RICTOR: variants seen among roughly 807,000 people sequenced by gnomAD.
RICTOR encodes the protein RPTOR independent companion of MTOR complex 2, also known as rapamycin-insensitive companion of mTOR.
In RICTOR, 49 loss-of-function variants were observed where a neutral mutation model predicts 214.9. The ratio of observed to expected loss-of-function variants is 0.23; its 90% CI spans 0.18 to 0.29. The LOEUF (loss-of-function observed/expected upper bound fraction) is 0.29. Among genes scored for constraint, RICTOR ranks in the 10% least tolerant of loss-of-function variants. RICTOR has a pLI of 1.00. For missense variants in RICTOR, 1,625 were observed against 2,047.0 expected (o/e 0.79, Z 3.98); for synonymous variants, 717 against 711.3 (o/e 1.01, Z -0.13).
At position 38,955,581 on chromosome 5, in the gene RICTOR, AACTGGGT is replaced by A; in HGVS notation, c.2609+7_2609+13del. On this transcript the variant is annotated splice_region_variant and intron_variant, in intron 26 of 37. Coordinates refer to ENST00000357387, the MANE Select transcript of RICTOR (RefSeq NM_152756.5). ...ATGATGAACTAGTTTTAAATCTGATAACTGGGTACGCACCTTTGGTTACTCCGACGAA... is the reference window on the plus strand; with the variant it reads ...ATGATGAACTAGTTTTAAATCTGATAACGCACCTTTGGTTACTCCGACGAA... The A allele has an allele frequency of 7.3e-7, 1 of 1,369,234 alleles. No individual in the cohort carries two copies. Among genetic ancestry groups the A allele is most frequent in the Non-Finnish European group, 1.0e-6 (1 of 961,558 alleles). The allele number at this position is 1,369,234 out of a possible 1,614,324, so 84.8% of individuals were successfully genotyped here. A position where few individuals can be genotyped will look rare whatever the true frequency, so the allele number is the denominator to read the frequency against.
intron 3 of RICTOR, among the ~76,000 whole-genome samples, chr5:39,011,159 T>G (rs1477805158): frequency 6.6e-6 from 1 of 152,080 alleles, no homozygotes; most frequent in Non-Finnish European, 1.5e-5. Flanking sequence ...TTTAGTGCCC[T>G]GTATCCCAGC....
intron 5 of RICTOR, among the ~76,000 whole-genome samples, chr5:39,000,303 G>C (rs1753515690): frequency 6.6e-6 from 1 of 151,854 alleles, no homozygotes; most frequent in African/African-American, 2.4e-5. Context: ...TATTTCCCTA[G>C]TTGTTTTATA....
Position 39,002,648 on chromosome 5 carries a change from T to G in RICTOR, c.279A>C (p.Leu93Phe). 1.2e-6 allele frequency: 2 copies of G among 1,607,348 alleles called. No homozygotes were observed. Among genetic ancestry groups the G allele is most frequent in the Non-Finnish European group, 1.7e-6 (2 of 1,177,702 alleles). Residue 93 changes from leucine (L) to phenylalanine (F), a missense_variant, in exon 5 of 38, where the codon TTA (leucine) becomes TTC (phenylalanine). Physicochemically the swap from Leu to Phe is conservative, Grantham distance 22. This residue lies in a region of RICTOR where 258 missense variants were observed against 393.7 expected (regional missense o/e 0.66). Transcript: ENST00000357387. ...DIIICLRLAL[L>F]NEAKEVRAAG... ...CTGCTCGCACTTCTTTTGCTTCATT[T>G]AATAAAGCTAACCGCAAACTGTATG...
intron 2 of RICTOR, among the ~76,000 whole-genome samples, chr5:39,055,698 A>G (rs1758161644): frequency 6.6e-6 from 1 of 152,310 alleles, no homozygotes; most frequent in South Asian, 2.1e-4. Context: ...AATATATTAT[A>G]AAAGCCCAAA....
chr5:39,037,253 C>T (rs1372755528), intron 2 of RICTOR, among the ~76,000 whole-genome samples: 46 of 151,442 alleles, frequency 3.0e-4, no homozygotes, highest in Non-Finnish European at 5.0e-4. Flanking sequence ...GAAATAAAGA[C>T]GTTCTTTGAA....
At chr5:38,972,538 A>G (rs546818731) in intron 10 of RICTOR, among the ~76,000 whole-genome samples, 197 of 152,334 alleles carry the variant, frequency 1.3e-3, no homozygotes, top group African/African-American at 4.6e-3. Flanking sequence ...AGGGAAATGC[A>G]AACTATATTA....
At chr5:39,025,509 T>G (rs1177789001) in intron 2 of RICTOR, among the ~76,000 whole-genome samples, 1 of 152,230 alleles carries the variant, frequency 6.6e-6, no homozygotes, top group Non-Finnish European at 1.5e-5. Context: ...TCATGTGTAT[T>G]AAGTCAGTTC....
In RICTOR at chr5:38,938,404, C is replaced by G. The variant is rs1160311745; in HGVS notation, c.*3900G>C. The G allele has an allele frequency of 4.3e-6, 1 of 230,800 alleles. No individual in the cohort carries two copies. The highest frequency in any genetic ancestry group is 8.6e-6 in the Non-Finnish European group (1 of 116,434). 14.3% of individuals were successfully genotyped at this position (230,800 alleles called of 1,614,324 possible). A position where few individuals can be genotyped will look rare whatever the true frequency, so the allele number is the denominator to read the frequency against. On this transcript the variant is annotated 3_prime_UTR_variant, in exon 38 of 38. Coordinates refer to ENST00000357387, the MANE Select transcript of RICTOR (RefSeq NM_152756.5). The stretch of plus-strand genomic sequence containing the variant: ...AATTACCTATAAAATTTTTTTCACT[C>G]CCCCTCTCTGCCCCAAGACTTTGCA...
intron 2 of RICTOR, among the ~76,000 whole-genome samples, chr5:39,050,421 C>CCA: frequency 6.6e-6 from 1 of 152,116 alleles, no homozygotes; most frequent in South Asian, 2.1e-4. Flanking sequence ...ACTGTAACCT[C>CCA]CACCTCCTGG....
At chr5:38,995,086 A>G (rs997236064) in intron 6 of RICTOR, among the ~76,000 whole-genome samples, 17 of 152,240 alleles carry the variant, frequency 1.1e-4, no homozygotes, top group Non-Finnish European at 1.9e-4. Flanking sequence ...TCAAGACAAA[A>G]TTAAAGAGAG....
chr5:38,958,390 A>G, intron 24 of RICTOR, 53 bp downstream of exon 24: 1 of 1,139,876 alleles, frequency 8.8e-7, no homozygotes, highest in South Asian at 1.2e-5. Context: ...TTTAATATAC[A>G]CTGCCAAAGA....
rs539534305 is a variant in RICTOR, at chr5:39,039,149, A to C, written c.98-18013T>G. On this transcript the variant is annotated intron_variant, in intron 2 of 37. Transcript: ENST00000357387. ...ACCAATGGAACAGAACAGAGCCCGC[A>C]GAAATAATGCCACATATCTACAATT... is the stretch of plus-strand genomic sequence containing the variant. Among the ~76,000 whole-genome samples the C allele has an allele frequency of 1.1e-4, 17 of 152,358 alleles. No individual in the cohort carries two copies. In the South Asian group the frequency reaches 3.5e-3, roughly 32 times the overall value.
chr5:39,001,894 T>C (rs73088105), intron 5 of RICTOR, among the ~76,000 whole-genome samples: 168 of 152,202 alleles, frequency 1.1e-3, no homozygotes, highest in African/African-American at 3.8e-3. Flanking sequence ...CTATACATAA[T>C]AGTAGAAGTA....
intron 2 of RICTOR, among the ~76,000 whole-genome samples, chr5:39,028,325 G>A (rs1369076354): frequency 6.6e-6 from 1 of 151,396 alleles, no homozygotes; most frequent in Non-Finnish European, 1.5e-5. Flanking sequence ...TGGGACTACA[G>A]GTGCCCGCCA....
chr5:38,963,128 A>C, intron 16 of RICTOR, 87 bp from the exon 17 acceptor site: 2 of 885,134 alleles, frequency 2.3e-6, no homozygotes, highest in Non-Finnish European at 3.3e-6. Context: ...AGCTTACGTA[A>C]GATCAAGGCT....
chr5:38,996,803 C>T lies in RICTOR; in HGVS notation c.456+16G>A. 1.3e-6 allele frequency: 2 copies of T among 1,567,310 alleles called. No individual in the cohort carries two copies. The highest frequency in any genetic ancestry group is 1.7e-4 in the Middle Eastern group (1 of 5,930). The stretch of plus-strand genomic sequence containing the variant: ...AAACCATAAATTTGCCTTTTACTCT[C>T]ACACATAGAGCATACCTTTCTGACT... On this transcript the variant is annotated intron_variant, in intron 6 of 37. Coordinates refer to ENST00000357387, the MANE Select transcript of RICTOR (RefSeq NM_152756.5).
chr5:38,977,629 G>C (rs970785041), intron 9 of RICTOR, among the ~76,000 whole-genome samples: 2 of 125,728 alleles, frequency 1.6e-5, no homozygotes, highest in African/African-American at 6.1e-5. Context: ...ACAGAGTGTC[G>C]CTCTGTCACC....
Position 38,950,045 on chromosome 5 carries a change from T to C in RICTOR, c.3803A>G (p.His1268Arg). The change falls in exon 31 of 38, where the codon CAC (histidine) becomes CGC (arginine). Residue 1268 changes from histidine to arginine, a missense_variant. Physicochemically the swap from His to Arg is conservative, Grantham distance 29. Transcript: ENST00000357387. The stretch of plus-strand genomic sequence containing the variant: ...ATGGTTAGACTGTGGCGTCAAATAG[T>C]GGCTTGTCTTAATAGTTTTAGTACT... ...VVSTKTIKTS[H>R]YLTPQSNHLS... 6.2e-7 allele frequency: 1 copy of C among 1,613,300 alleles called. No homozygotes were observed. Among genetic ancestry groups the C allele is most frequent in the African/African-American group, 1.3e-5 (1 of 74,978 alleles).
Position 38,945,710 on chromosome 5 carries a change from T to C in RICTOR, c.4414A>G (p.Thr1472Ala). Residue 1472 changes from threonine (T) to alanine (A), a missense_variant, in exon 34 of 38, where the codon ACT becomes GCT. By Grantham distance (58) the Thr-to-Ala change is moderately conservative. This residue lies in a region of RICTOR where 1,214 missense variants were observed against 1,470.5 expected (regional missense o/e 0.83). Transcript: ENST00000357387. ...AHDAGGLPSGTGGLVKNSFHL... is the reference protein window; with the variant it reads ...AHDAGGLPSGAGGLVKNSFHL... ...AAAGAATTTTTTACAAGACCTCCAG[T>C]TCCAGATGGAAGACCTGTGCATAAG... 5 of 1,593,490 alleles carry C rather than the reference T, an allele frequency of 3.1e-6. No individual in the cohort carries two copies. The highest frequency in any genetic ancestry group is 4.3e-6 in the Non-Finnish European group (5 of 1,161,448).
Sources: gnomAD v4.1 joint callset for allele counts (sites outside exome capture counted in the v4.1 genomes callset) on GRCh38, gnomAD v4.1.1 for gene constraint, gnomAD v4.1.1 regional missense constraint, MANE v1.5 for transcripts, NCBI Gene and HGNC (gene_info 2026-07-23, HGNC 2026-07-21) for gene names.